Variants in NUDT16L1 observed in about 807,000 individuals in gnomAD.
NUDT16L1 encodes tudor-interacting repair regulator protein.
NUDT16L1 carries 19 observed loss-of-function variants against 17.3 expected under a neutral mutation model. The observed-to-expected ratio is 1.10, with a 90% confidence interval of 0.77 to 1.61. The LOEUF (loss-of-function observed/expected upper bound fraction) is 1.61, where lower values mean the gene tolerates loss of function less well. NUDT16L1 is among the 40% of genes most tolerant of loss of function. The pLI is 0.00. For missense variants in NUDT16L1, 341 were observed against 292.0 expected, an observed-to-expected ratio of 1.17 and a Z score of -1.22; for synonymous variants, 255 against 138.6, an observed-to-expected ratio of 1.84 and a Z score of -5.90.
At chr16:4,695,643 A>G in exon 3 of NUDT16L1, 1 of 416,664 alleles carries the variant, frequency 2.4e-6, no homozygotes, top group Non-Finnish European at 4.2e-6. Context: ...TGGGGTAGGA[A>G]GTTAATAATA....
chr16:4,693,837 TGGGCA>T lies in NUDT16L1; in HGVS notation c.113_117del (p.Gly38AlafsTer131). ...ACGCCATGCTGTACGCCGCCAACCC[TGGGCA>T]GCTCTTCGGCCGCATCCCCATGCGC... On this transcript the variant is annotated frameshift_variant, in exon 1 of 3. Coordinates refer to ENST00000304301, the Ensembl canonical transcript of NUDT16L1. LOFTEE classifies it high-confidence loss of function. 1 of 1,562,568 alleles carries T rather than the reference TGGGCA, an allele frequency of 6.4e-7. No individual in the cohort carries two copies. The highest frequency in any genetic ancestry group is 1.4e-5 in the African/African-American group (1 of 70,324).
At chr16:4,695,599 C>T (rs929966220) in exon 3 of NUDT16L1, 2 of 432,954 alleles carry the variant, frequency 4.6e-6, no homozygotes, top group African/African-American at 2.0e-5. Context: ...TGCCTCCTTC[C>T]TGAGCCAGTT....
intron 2 of NUDT16L1, chr16:4,694,472 G>A (rs559110200): frequency 1.3e-6 from 2 of 1,524,318 alleles, no homozygotes; most frequent in Admixed American, 2.0e-5. Flanking sequence ...CCGCCTTGCT[G>A]CCTGCCATTG....
chr16:4,695,790 G>A (rs530860660), exon 3 of NUDT16L1: 1 of 394,520 alleles, frequency 2.5e-6, no homozygotes, highest in Non-Finnish European at 4.5e-6. Context: ...CGGGGGCCCA[G>A]CTATGTACAA....
intron 2 of NUDT16L1, chr16:4,694,511 G>C (rs1462961435): frequency 6.6e-7 from 1 of 1,504,478 alleles, no homozygotes; most frequent in Non-Finnish European, 8.8e-7. Flanking sequence ...GAGTGGGATC[G>C]GTGGGGAGGA....
Position 4,693,892 on chromosome 16 carries a change from G to C in NUDT16L1, c.153+13G>C, listed in dbSNP as rs1319368737. ...CTTCTCGGTGCTGGTGAGGACGGGC[G>C]AGGGCGCGGGCGAGGGTGCCGGCGC... On this transcript the variant is annotated intron_variant, in intron 1 of 2. Coordinates refer to ENST00000304301, the Ensembl canonical transcript of NUDT16L1. 6.7e-7 allele frequency: 1 copy of C among 1,494,510 alleles called. No homozygotes were observed. Among genetic ancestry groups the C allele is most frequent in the South Asian group, 1.3e-5 (1 of 78,616 alleles). 92.6% of individuals were successfully genotyped at this position (1,494,510 alleles called of 1,614,324 possible).
intron 2 of NUDT16L1, chr16:4,694,539 G>A: frequency 2.7e-6 from 4 of 1,465,870 alleles, no homozygotes; most frequent in Non-Finnish European, 1.8e-6. Context: ...GGGGAGGAGC[G>A]GGGATTGCTT....
chr16:4,694,745 C>A, intron 2 of NUDT16L1: 2 of 1,424,050 alleles, frequency 1.4e-6, no homozygotes, highest in Non-Finnish European at 1.8e-6. Flanking sequence ...GGGGGGAGTG[C>A]ATGGGGTCAG....
chr16:4,693,779 T>A, exon 1 of NUDT16L1: 1 of 1,566,054 alleles, frequency 6.4e-7, no homozygotes, highest in Non-Finnish European at 8.6e-7. Flanking sequence ...GTGGAGGCGA[T>A]GCGCCTAGGG....
At chr16:4,694,219 C>G (rs1387387964) in exon 2 of NUDT16L1, 4 of 1,516,710 alleles carry the variant, frequency 2.6e-6, no homozygotes, top group Non-Finnish European at 3.5e-6. Flanking sequence ...GCGGTGCACT[C>G]GCGCGACCAC....
exon 3 of NUDT16L1, chr16:4,695,181 G>A (rs568207659): frequency 5.0e-6 from 8 of 1,611,532 alleles, no homozygotes; most frequent in East Asian, 2.2e-5. Context: ...TCCTCTTGAG[G>A]GCTGCCTGAG....
rs1596331050 is a variant in NUDT16L1, at chr16:4,694,945, C to A, written c.415-13C>A. ...GCAGGCCTGGCCCCAACCCCTACCT[C>A]CTGTCTGCGCAGGTGCTGGGCCTCG... On this transcript the variant is annotated splice_polypyrimidine_tract_variant and intron_variant, in intron 2 of 2. Coordinates refer to ENST00000304301, the Ensembl canonical transcript of NUDT16L1. 6.2e-7 allele frequency: 1 copy of A among 1,600,734 alleles called. No homozygotes were observed. Among genetic ancestry groups the A allele is most frequent in the Non-Finnish European group, 8.5e-7 (1 of 1,177,148 alleles).
At chr16:4,693,845 T>A in exon 1 of NUDT16L1, 1 of 1,559,100 alleles carries the variant, frequency 6.4e-7, no homozygotes, top group Non-Finnish European at 8.6e-7. Context: ...CCTGGGCAGC[T>A]CTTCGGCCGC....
In NUDT16L1 at chr16:4,695,172, C is replaced by T. The variant is rs757059957; in HGVS notation, c.629C>T (p.Ser210Phe). 33 of 1,612,528 alleles carry T rather than the reference C, an allele frequency of 2.0e-5. No homozygotes were observed. The highest frequency in any genetic ancestry group is 2.8e-5 in the Non-Finnish European group (33 of 1,179,852). Residue 210 changes from serine (S) to phenylalanine (F), a missense_variant, in exon 3 of 3, where the codon TCC (serine) becomes TTC (phenylalanine). By Grantham distance (155) the Ser-to-Phe change is radical. Transcript: ENST00000304301. The stretch of plus-strand genomic sequence containing the variant: ...GCCCTGGAGAAGTTGCTCCCGGCCT[C>T]CTCTTGAGGGCTGCCTGAGCTGGTG...
chr16:4,693,782 G>A (rs1210062783), exon 1 of NUDT16L1: 2 of 1,569,298 alleles, frequency 1.3e-6, no homozygotes, highest in East Asian at 2.5e-5. Flanking sequence ...GAGGCGATGC[G>A]CCTAGGGCCG....
intron 2 of NUDT16L1, chr16:4,694,527 TGGG>T: frequency 8.4e-7 from 1 of 1,195,418 alleles, no homozygotes; most frequent in Non-Finnish European, 1.1e-6. Context: ...GAGGAAGGGA[TGGG>T]GGAGGAGCGG....
At chr16:4,694,655 C>G (rs1385710592) in intron 2 of NUDT16L1, 12 of 1,406,260 alleles carry the variant, frequency 8.5e-6, no homozygotes, top group Non-Finnish European at 1.1e-5. Flanking sequence ...AAGGGCTGGA[C>G]TGCGGGTGTT....
At chr16:4,694,712 G>C in intron 2 of NUDT16L1, 1 of 1,425,266 alleles carries the variant, frequency 7.0e-7, no homozygotes, top group Non-Finnish European at 9.1e-7. Context: ...CGGACCCCGG[G>C]GTGGGGTGGC....
rs2079500836 is a variant in NUDT16L1, at chr16:4,694,747, T to C, written c.415-211T>C. ...CCTGGGTACGAGGGGGGGGAGTGCA[T>C]GGGGTCAGCCTCCACACTTGCTTGG... On this transcript the variant is annotated intron_variant, in intron 2 of 2. Coordinates refer to ENST00000304301, the Ensembl canonical transcript of NUDT16L1. 2.8e-6 allele frequency: 4 copies of C among 1,413,418 alleles called. No homozygotes were observed. In the African/African-American group the frequency reaches 4.5e-5, roughly 16 times the overall value. 87.6% of individuals were successfully genotyped at this position (1,413,418 alleles called of 1,614,324 possible).
Sources: allele counts gnomAD v4.1 joint callset, GRCh38; gene constraint gnomAD v4.1.1; transcripts MANE v1.5; gene names NCBI Gene and HGNC (gene_info 2026-07-23, HGNC 2026-07-21).